Variants in EML5 observed in about 807,000 individuals in gnomAD.
EML5 encodes the protein echinoderm microtubule-associated protein-like 5.
In EML5, 120 loss-of-function variants were observed where a neutral mutation model predicts 250.0. That is an observed-to-expected ratio of 0.48 (90% CI 0.41 to 0.56). The LOEUF is 0.56. Ranked by LOEUF, EML5 falls within the 20% of genes least tolerant of loss-of-function variation. EML5 has a pLI of 0.00. For missense variants in EML5, 2,006 were observed against 2,437.6 expected (o/e 0.82, Z 3.73); for synonymous variants, 771 against 806.5 (o/e 0.96, Z 0.75).
At chr14:88,749,413 C>T (rs1188806990) in intron 2 of EML5, among the ~76,000 whole-genome samples, 1 of 152,144 alleles carries the variant, frequency 6.6e-6, no homozygotes, top group Admixed American at 6.5e-5. Flanking sequence ...CATCAGTAAA[C>T]CTGCACTACA....
chr14:88,788,903 A>G (rs1156785779), intron 1 of EML5, among the ~76,000 whole-genome samples: 1 of 151,634 alleles, frequency 6.6e-6, no homozygotes, highest in Non-Finnish European at 1.5e-5. Context: ...TTACCGAAAA[A>G]AAAAAAAAAA....
intron 14 of EML5, among the ~76,000 whole-genome samples, chr14:88,700,088 A>AG (rs2093174685): frequency 1.3e-5 from 2 of 152,166 alleles, no homozygotes; most frequent in African/African-American, 4.8e-5. Context: ...ACAACATTTA[A>AG]TGCTTTTGAA....
intron 30 of EML5, among the ~76,000 whole-genome samples, chr14:88,643,477 G>T (rs1276368396): frequency 1.3e-5 from 2 of 152,122 alleles, no homozygotes; most frequent in African/African-American, 2.4e-5. Context: ...TCTACAGATG[G>T]TTTAAAGTAT....
Position 88,792,069 on chromosome 14 carries a change from C to G in EML5, c.197+238G>C, listed in dbSNP as rs1297385263. ...GGACAAAGCCGTCAAACCGGGTGCC[C>G]GGTGGATCCGCGGACCTGATCTTCC... On this transcript the variant is annotated intron_variant, in intron 1 of 43. Transcript: ENST00000554922. This position sits in a 1 kb window ranked among gnomAD's most constrained non-coding sequence, Gnocchi z 6.9. Among the ~76,000 whole-genome samples, 1 of 152,234 alleles carries G rather than the reference C, an allele frequency of 6.6e-6. No homozygotes were observed. The highest frequency in any genetic ancestry group is 1.5e-5 in the Non-Finnish European group (1 of 68,046).
In EML5 at chr14:88,661,666, T is replaced by C; in HGVS notation, c.3663A>G (p.Arg1221=). Reference sequence around the variant, plus strand: ...GAAAAACACATACTTTAGTAGGATATCTAAATAACTTCACAAATCCCAAAT... The same window carrying C: ...GAAAAACACATACTTTAGTAGGATACCTAAATAACTTCACAAATCCCAAAT... ...GDDLGFVKLF[R]YPTKGKFGKF... is the part of the protein sequence containing the mutation. Residue 1221 remains arginine, a synonymous_variant, in exon 25 of 44, where the codon AGA becomes AGG. Coordinates refer to ENST00000554922, the MANE Select transcript of EML5 (RefSeq NM_183387.3). The C allele has an allele frequency of 6.2e-7, 1 of 1,612,290 alleles. No individual in the cohort carries two copies. Among genetic ancestry groups the C allele is most frequent in the Middle Eastern group, 1.7e-4 (1 of 6,050 alleles).
At chr14:88,724,954 C>A (rs923714289) in intron 8 of EML5, among the ~76,000 whole-genome samples, 1 of 152,152 alleles carries the variant, frequency 6.6e-6, no homozygotes, top group Non-Finnish European at 1.5e-5. Flanking sequence ...GTTTCGTAGT[C>A]TTTCATCTCT....
At chr14:88,701,257 C>G (rs2093203727) in intron 14 of EML5, among the ~76,000 whole-genome samples, 1 of 152,056 alleles carries the variant, frequency 6.6e-6, no homozygotes, top group Non-Finnish European at 1.5e-5. Flanking sequence ...TGGGTTGAGA[C>G]CAGGGATGCT....
chr14:88,714,476 G>A (rs567956423), intron 9 of EML5, among the ~76,000 whole-genome samples: 11 of 152,268 alleles, frequency 7.2e-5, no homozygotes, highest in African/African-American at 2.6e-4. Flanking sequence ...TATACAGCTT[G>A]TTGAGTACAG....
chr14:88,769,246 G>A (rs1319930056), intron 1 of EML5, among the ~76,000 whole-genome samples: 1 of 152,138 alleles, frequency 6.6e-6, no homozygotes, highest in Admixed American at 6.5e-5. Context: ...AGCTTCTCAT[G>A]AATGGTTTAC....
intron 2 of EML5, among the ~76,000 whole-genome samples, chr14:88,751,927 T>C (rs905943460): frequency 6.6e-6 from 1 of 152,160 alleles, no homozygotes; most frequent in African/African-American, 2.4e-5. Context: ...ATCAAATATT[T>C]AAATAAGGAG....
chr14:88,729,100 T>TATAA (rs1397225091), intron 7 of EML5, among the ~76,000 whole-genome samples: 1 of 152,156 alleles, frequency 6.6e-6, no homozygotes, highest in South Asian at 2.1e-4. Context: ...TATATATATA[T>TATAA]AACCAACTGA....
At chr14:88,647,031 G>C (rs1389039498) in intron 28 of EML5, 76 bp from the exon 29 acceptor site, 1 of 1,335,504 alleles carries the variant, frequency 7.5e-7, no homozygotes, top group Non-Finnish European at 1.0e-6. Context: ...AATACCTCCT[G>C]TAATAAAATA....
rs750447404 is a variant in EML5 at position 88,726,602 on chromosome 14, C to T, written c.1126G>A (p.Ala376Thr). The stretch of plus-strand genomic sequence containing the variant: ...CCAAGGGCAAGATGGATTCCATCTG[C>T]ATTGACAGCTGCACAACGAATTGGT... The part of the protein sequence containing the change: ...EEPIRCAAVN[A>T]DGIHLALGMK... Residue 376 changes from alanine (A) to threonine (T), a missense_variant, in exon 8 of 44, where the codon GCA becomes ACA. Transcript: ENST00000554922. 6.9e-6 allele frequency: 11 copies of T among 1,593,556 alleles called. No homozygotes were observed. In the Admixed American group the frequency reaches 1.9e-4, roughly 28 times the overall value.
At chr14:88,781,647 C>T (rs560236921) in intron 1 of EML5, among the ~76,000 whole-genome samples, 27 of 152,234 alleles carry the variant, frequency 1.8e-4, no homozygotes, top group African/African-American at 5.1e-4. Context: ...ATCATGGTGA[C>T]GATTACTCTC....
intron 8 of EML5, 74 bp downstream of exon 8, chr14:88,726,467 G>T: frequency 7.7e-7 from 1 of 1,294,166 alleles, no homozygotes; most frequent in South Asian, 1.9e-5. Flanking sequence ...ATTCTGTATC[G>T]CTGAAGAGAA....
intron 18 of EML5, among the ~76,000 whole-genome samples, chr14:88,687,948 G>A (rs116786935): frequency 0.012 from 1,782 of 152,212 alleles, 37 homozygotes; most frequent in African/African-American, 0.041. Flanking sequence ...GCACTTGCCT[G>A]TAGTCACAGC....
At chr14:88,706,088 A>G (rs933445052) in intron 11 of EML5, among the ~76,000 whole-genome samples, 171 bp downstream of exon 11, 1 of 152,204 alleles carries the variant, frequency 6.6e-6, no homozygotes, top group Non-Finnish European at 1.5e-5. Flanking sequence ...ACACTCTGTG[A>G]CATCTAACTT....
At chr14:88,617,015 T>A in intron 41 of EML5, 136 bp from the exon 42 acceptor site, 1 of 707,114 alleles carries the variant, frequency 1.4e-6, no homozygotes, top group Non-Finnish European at 2.2e-6. Context: ...TATGGTAAGT[T>A]GTTTGGAGAC....
At chr14:88,635,909 C>T (rs1160454713) in intron 32 of EML5, among the ~76,000 whole-genome samples, 1 of 152,110 alleles carries the variant, frequency 6.6e-6, no homozygotes, top group East Asian at 1.9e-4. Context: ...AGAAGACAGC[C>T]ATCTGCAAAT....
Sources: allele counts gnomAD v4.1 joint callset (sites outside exome capture counted in the v4.1 genomes callset), GRCh38; gene constraint gnomAD v4.1.1; non-coding constraint Gnocchi (gnomAD v3.1); transcripts MANE v1.5; gene names NCBI Gene and HGNC (gene_info 2026-07-23, HGNC 2026-07-21).